Variants in GALNTL6 observed in about 807,000 individuals in gnomAD.
GALNTL6 encodes polypeptide N-acetylgalactosaminyltransferase like 6.
In GALNTL6, 46 loss-of-function variants were observed where a neutral mutation model predicts 73.7. That is an observed-to-expected ratio of 0.62 (90% CI 0.49 to 0.80). GALNTL6 has a LOEUF of 0.80. Among genes scored for constraint, GALNTL6 ranks in the 30% least tolerant of loss-of-function variants. The pLI is 0.00. For synonymous variants in GALNTL6, 259 were observed against 263.7 expected, an observed-to-expected ratio of 0.98 and a Z score of 0.17; for missense variants, 604 against 755.0, an observed-to-expected ratio of 0.80 and a Z score of 2.34.
intron 5 of GALNTL6, among the ~76,000 whole-genome samples, chr4:172,770,838 G>T (rs1356294412): frequency 2.6e-5 from 4 of 152,216 alleles, no homozygotes; most frequent in South Asian, 2.1e-4. Context: ...GACATTAAAT[G>T]TTATCATCAT....
At chr4:172,553,347 T>C (rs1736032484) in intron 5 of GALNTL6, among the ~76,000 whole-genome samples, 1 of 152,180 alleles carries the variant, frequency 6.6e-6, no homozygotes, top group African/African-American at 2.4e-5. Flanking sequence ...AGTCTTGCTA[T>C]TTCTTGAATA....
At chr4:171,968,947 C>T (rs372052378) in intron 2 of GALNTL6, among the ~76,000 whole-genome samples, 1 of 151,874 alleles carries the variant, frequency 6.6e-6, no homozygotes, top group Non-Finnish European at 1.5e-5. Context: ...AGCGATTTTC[C>T]TGCCTCAGCC....
chr4:172,187,180 G>C (rs1395977241), intron 2 of GALNTL6, among the ~76,000 whole-genome samples: 1 of 151,836 alleles, frequency 6.6e-6, no homozygotes, highest in Admixed American at 6.6e-5. Context: ...ACAGTTTCAT[G>C]ATATTTATAT....
chr4:172,418,666 C>A (rs1194793137), intron 5 of GALNTL6, among the ~76,000 whole-genome samples: 1 of 152,080 alleles, frequency 6.6e-6, no homozygotes, highest in Non-Finnish European at 1.5e-5. Context: ...TTTGTTATAC[C>A]GTGTCATTGT....
At chr4:172,444,709 C>G (rs796743484) in intron 5 of GALNTL6, among the ~76,000 whole-genome samples, 34 of 152,156 alleles carry the variant, frequency 2.2e-4, no homozygotes, top group African/African-American at 8.2e-4. Flanking sequence ...ATATGATAAG[C>G]TATTCCATAG....
At chr4:172,903,932 T>A (rs1746752612) in intron 8 of GALNTL6, among the ~76,000 whole-genome samples, 1 of 152,196 alleles carries the variant, frequency 6.6e-6, no homozygotes, top group African/African-American at 2.4e-5. Context: ...AATGATTCTA[T>A]CACCCAGGTA....
At chr4:172,406,696 A>T (rs1744249071) in intron 5 of GALNTL6, among the ~76,000 whole-genome samples, 1 of 151,998 alleles carries the variant, frequency 6.6e-6, no homozygotes, top group South Asian at 2.1e-4. Flanking sequence ...CACTTTTCTG[A>T]GTTTACTAGG....
chr4:172,736,239 C>CCTT (rs1421964343), intron 5 of GALNTL6, among the ~76,000 whole-genome samples: 2 of 152,148 alleles, frequency 1.3e-5, no homozygotes, highest in Non-Finnish European at 2.9e-5. Context: ...GTATTTCATC[C>CCTT]CTTATCTACA....
chr4:172,169,638 AC>A (rs1248080015), intron 2 of GALNTL6, among the ~76,000 whole-genome samples: 4 of 152,202 alleles, frequency 2.6e-5, no homozygotes, highest in Non-Finnish European at 4.4e-5. Flanking sequence ...TTTGACTAAT[AC>A]ATACACAACT....
chr4:172,384,862 T>C (rs1200475483), intron 5 of GALNTL6, among the ~76,000 whole-genome samples: 1 of 152,108 alleles, frequency 6.6e-6, no homozygotes, highest in Non-Finnish European at 1.5e-5. Flanking sequence ...TCCTTCTGTT[T>C]CAGCCTCTGA....
At chr4:172,294,301 C>T (rs1199796011) in intron 3 of GALNTL6, among the ~76,000 whole-genome samples, 1 of 152,046 alleles carries the variant, frequency 6.6e-6, no homozygotes, top group Non-Finnish European at 1.5e-5. Flanking sequence ...GCATCAACTT[C>T]TCATGCTTCA....
chr4:172,903,579 C>CATT (rs1746734809), intron 8 of GALNTL6, among the ~76,000 whole-genome samples: 1 of 152,092 alleles, frequency 6.6e-6, no homozygotes, highest in African/African-American at 2.4e-5. Context: ...TATAAATGTA[C>CATT]ATTTATTTTA....
intron 5 of GALNTL6, among the ~76,000 whole-genome samples, chr4:172,395,097 A>C (rs1479336367): frequency 6.6e-6 from 1 of 152,214 alleles, no homozygotes; most frequent in Non-Finnish European, 1.5e-5. Flanking sequence ...ATAAATTGAC[A>C]GGCTTTCGCT....
At chr4:172,052,548 A>T in intron 2 of GALNTL6, 3 of 1,519,786 alleles carry the variant, frequency 2.0e-6, no homozygotes, top group Non-Finnish European at 2.6e-6. Flanking sequence ...GGTAAAAAGC[A>T]AACGGCTGCA....
At chr4:172,191,124 C>G (rs546889800) in intron 2 of GALNTL6, among the ~76,000 whole-genome samples, 1 of 152,288 alleles carries the variant, frequency 6.6e-6, no homozygotes, top group East Asian at 1.9e-4. Flanking sequence ...CAAAACTGAA[C>G]TGTGTGATTG....
chr4:172,230,860 A>G (rs1737041514), intron 3 of GALNTL6, among the ~76,000 whole-genome samples: 1 of 152,172 alleles, frequency 6.6e-6, no homozygotes, highest in Admixed American at 6.5e-5. Context: ...TAACTTAGCC[A>G]GGGTGTGAGG....
At chr4:172,175,945 TAAAAA>T (rs1434763881) in intron 2 of GALNTL6, among the ~76,000 whole-genome samples, 10 of 152,276 alleles carry the variant, frequency 6.6e-5, no homozygotes, top group African/African-American at 2.4e-4. Flanking sequence ...ACAGATGATA[TAAAAA>T]TCAATATGAA....
intron 5 of GALNTL6, among the ~76,000 whole-genome samples, chr4:172,602,496 T>TCTATGA (rs376432332): frequency 6.6e-6 from 1 of 151,954 alleles, no homozygotes; most frequent in Non-Finnish European, 1.5e-5. Flanking sequence ...TAAATTAGGT[T>TCTATGA]TAAATTATTT....
intron 3 of GALNTL6, among the ~76,000 whole-genome samples, chr4:172,258,643 T>C (rs1560993595): frequency 6.6e-6 from 1 of 151,328 alleles, no homozygotes. Flanking sequence ...AGGTGGTTTT[T>C]GTTTACACAG....
Sources: allele counts gnomAD v4.1 joint callset (sites outside exome capture counted in the v4.1 genomes callset), GRCh38; gene constraint gnomAD v4.1.1; transcripts MANE v1.5; gene names NCBI Gene and HGNC (gene_info 2026-07-23, HGNC 2026-07-21).